Variants in CACNG4 observed in about 807,000 individuals in gnomAD.
CACNG4 encodes voltage-dependent calcium channel gamma-4 subunit.
Under a neutral mutation model 22.9 loss-of-function variants are expected in CACNG4, and 8 were observed. The ratio of observed to expected loss-of-function variants is 0.35; its 90% CI spans 0.21 to 0.63. The LOEUF is 0.63. Among genes scored for constraint, CACNG4 ranks in the 30% least tolerant of loss-of-function variants. CACNG4 has a pLI of 0.72. For missense variants in CACNG4, 357 were observed against 455.4 expected (o/e 0.78, Z 1.97); for synonymous variants, 188 against 191.9 (o/e 0.98, Z 0.17).
chr17:66,966,478 G>A (rs2035172002), intron 1 of CACNG4, among the ~76,000 whole-genome samples: 1 of 152,082 alleles, frequency 6.6e-6, no homozygotes, highest in Admixed American at 6.5e-5. Context: ...GAGTTCAGCC[G>A]CGGTTGTTTC....
At chr17:66,998,630 G>A (rs2035389143) in intron 1 of CACNG4, among the ~76,000 whole-genome samples, 1 of 152,048 alleles carries the variant, frequency 6.6e-6, no homozygotes. Context: ...ACCCTCCCAA[G>A]CCCCCAGGCA....
At position 66,965,125 on chromosome 17, in the gene CACNG4, A is replaced by G. The variant is rs1354971794; in HGVS notation, c.214A>G (p.Ile72Val). Reference protein sequence around the residue: ...THSGLWRVCCIEGIYKGHCFR... With the variant: ...THSGLWRVCCVEGIYKGHCFR... Reference sequence around the variant, plus strand: ...CTCTGGTCTGTGGCGGGTGTGCTGCATCGAAGGTACGGCCAGCCCCGACCC... The same window carrying G: ...CTCTGGTCTGTGGCGGGTGTGCTGCGTCGAAGGTACGGCCAGCCCCGACCC... The change falls in exon 1 of 4, where the codon ATC (isoleucine) becomes GTC (valine). Residue 72 changes from isoleucine to valine, a missense_variant. Ile to Val is a conservative substitution (Grantham distance 29). This residue lies in a region of CACNG4 where 114 missense variants were observed against 161.6 expected (regional missense o/e 0.71). Transcript: ENST00000262138. The G allele has an allele frequency of 6.4e-7, 1 of 1,564,750 alleles. No individual in the cohort carries two copies. Among genetic ancestry groups the G allele is most frequent in the East Asian group, 2.4e-5 (1 of 41,128 alleles).
Position 67,018,279 on chromosome 17 carries a change from G to A in CACNG4, c.304+7G>A. The stretch of plus-strand genomic sequence containing the variant: ...AGCTCGGAGTACCTCCTCCGTGAGT[G>A]TCAGGAGGCCTGGACTCTCTTTCTG... On this transcript the variant is annotated splice_region_variant and intron_variant, in intron 2 of 3. Transcript: ENST00000262138. 3 of 1,609,808 alleles carry A rather than the reference G, an allele frequency of 1.9e-6. No individual in the cohort carries two copies. The highest frequency in any genetic ancestry group is 2.6e-6 in the Non-Finnish European group (3 of 1,176,030).
At chr17:67,025,042 G>A (rs1374137380) in intron 3 of CACNG4, 42 bp downstream of exon 3, 8 of 1,529,050 alleles carry the variant, frequency 5.2e-6, no homozygotes, top group Non-Finnish European at 7.0e-6. Context: ...GGGAGCTGGG[G>A]ACACAGGAGT....
chr17:67,014,943 C>CAAAA (rs1163062678), intron 1 of CACNG4, among the ~76,000 whole-genome samples: 4 of 95,360 alleles, frequency 4.2e-5, no homozygotes, highest in Non-Finnish European at 5.3e-5. Flanking sequence ...TCTCCAAAAA[C>CAAAA]AAAAAAAAAA....
At chr17:67,023,599 G>T in intron 2 of CACNG4, among the ~76,000 whole-genome samples, 1 of 111,274 alleles carries the variant, frequency 9.0e-6, no homozygotes. Flanking sequence ...AAGACAGAAT[G>T]TCACTCTTGT....
chr17:67,017,187 C>T (rs544953048), intron 1 of CACNG4, among the ~76,000 whole-genome samples: 5 of 152,134 alleles, frequency 3.3e-5, no homozygotes, highest in Admixed American at 3.3e-4. Flanking sequence ...AGTGATCCTC[C>T]CACCTCAGCC....
chr17:66,964,862 G>C lies in CACNG4; in HGVS notation c.-50G>C, dbSNP rs1430794264. 4 of 1,184,200 alleles carry C rather than the reference G, an allele frequency of 3.4e-6. No individual in the cohort carries two copies. Among genetic ancestry groups the C allele is most frequent in the Non-Finnish European group, 4.3e-6 (4 of 940,230 alleles). 73.4% of individuals were successfully genotyped at this position (1,184,200 alleles called of 1,614,324 possible). ...GCGGCGCGCGGAGGGAGGAGGGCGG[G>C]CGGGCGCGGCGGGCCGGGCCGGCGG... On this transcript the variant is annotated 5_prime_UTR_variant, in exon 1 of 4. Transcript: ENST00000262138.
chr17:67,013,643 A>C (rs1433509347), intron 1 of CACNG4, among the ~76,000 whole-genome samples: 1 of 152,018 alleles, frequency 6.6e-6, no homozygotes, highest in Admixed American at 6.6e-5. Flanking sequence ...CATCTCTACC[A>C]AAAATACAAA....
Position 67,032,624 on chromosome 17 carries a change from G to A in CACNG4, c.*1620G>A, listed in dbSNP as rs180730420. ...CCCCCAGGAAAGGACGCATCCACCG[G>A]TAGCGGCCCCAGCTGACTGTCGCCG... On this transcript the variant is annotated 3_prime_UTR_variant, in exon 4 of 4. Transcript: ENST00000262138. 72 of 154,894 alleles carry A rather than the reference G, an allele frequency of 4.6e-4. No individual in the cohort carries two copies. Among genetic ancestry groups the A allele is most frequent in the Admixed American group, 2.5e-3 (39 of 15,852 alleles). The allele number at this position is 154,894 out of a possible 1,614,324, so 9.6% of individuals were successfully genotyped here. A position where few individuals can be genotyped will look rare whatever the true frequency, so the allele number is the denominator to read the frequency against.
At chr17:67,004,923 C>T (rs879277539) in intron 1 of CACNG4, among the ~76,000 whole-genome samples, 1 of 152,086 alleles carries the variant, frequency 6.6e-6, no homozygotes, top group African/African-American at 2.4e-5. Context: ...AAGGTCTTGC[C>T]GTGTTGTCCG....
chr17:66,989,959 G>A (rs1333534720), intron 1 of CACNG4, among the ~76,000 whole-genome samples: 2 of 152,154 alleles, frequency 1.3e-5, no homozygotes. Context: ...CAAAATGAGC[G>A]ACTTTGGGTG....
chr17:66,992,483 C>T lies in CACNG4; in HGVS notation c.221-25706C>T, dbSNP rs147661834. Among the ~76,000 whole-genome samples the T allele has an allele frequency of 2.9e-3, 435 of 152,340 alleles. 3 individuals carry two copies. The highest frequency in any genetic ancestry group is 0.01 in the African/African-American group (417 of 41,594). ...GGCCTCCCAGCAGCACAAAACAAAC[C>T]TGGCACTACCCACCAGCACACCCAC... On this transcript the variant is annotated intron_variant, in intron 1 of 3. Transcript: ENST00000262138.
intron 1 of CACNG4, among the ~76,000 whole-genome samples, chr17:67,000,298 G>A (rs991434666): frequency 1.3e-5 from 2 of 152,146 alleles, no homozygotes; most frequent in Non-Finnish European, 2.9e-5. Flanking sequence ...CCCAGGGTTT[G>A]CTCCGTCTCC....
In CACNG4 at chr17:67,004,201, C is replaced by T. The variant is rs113561731; in HGVS notation, c.221-13988C>T. Among the ~76,000 whole-genome samples the T allele has an allele frequency of 1.9e-3, 288 of 152,296 alleles. 1 individual carries two copies. The highest frequency in any genetic ancestry group is 6.6e-3 in the African/African-American group (273 of 41,556). ...AGGTTTCATCCAAGCAGCAGTTATC[C>T]AGTAGATGCAAGGAGAAAAATCACA... On this transcript the variant is annotated intron_variant, in intron 1 of 3. Coordinates refer to ENST00000262138, the MANE Select transcript of CACNG4 (RefSeq NM_014405.4).
chr17:67,004,576 G>T (rs2035426678), intron 1 of CACNG4, among the ~76,000 whole-genome samples: 1 of 152,156 alleles, frequency 6.6e-6, no homozygotes, highest in Admixed American at 6.5e-5. Flanking sequence ...TTGCAGACCT[G>T]CGCTGAGACA....
intron 1 of CACNG4, among the ~76,000 whole-genome samples, chr17:67,011,687 G>A (rs150576391): frequency 1.5e-3 from 233 of 152,326 alleles, no homozygotes; most frequent in African/African-American, 5.5e-3. Flanking sequence ...ATACTGTCGA[G>A]CAATGAATGA....
At position 67,006,946 on chromosome 17, in the gene CACNG4, G is replaced by A. The variant is rs994610857; in HGVS notation, c.221-11243G>A. Among the ~76,000 whole-genome samples, 8 of 152,060 alleles carry A rather than the reference G, an allele frequency of 5.3e-5. No individual in the cohort carries two copies. The South Asian group carries it at 6.2e-4, about 12-fold the overall frequency. ...TTCCAGGACTTTGGGAGGTCAAGGC[G>A]GGTGGATCACTTGAGGTCAGGAGTT... On this transcript the variant is annotated intron_variant, in intron 1 of 3. Coordinates refer to ENST00000262138, the MANE Select transcript of CACNG4 (RefSeq NM_014405.4).
intron 1 of CACNG4, among the ~76,000 whole-genome samples, chr17:66,982,972 C>A (rs1483159933): frequency 1.3e-5 from 2 of 152,180 alleles, no homozygotes; most frequent in African/African-American, 4.8e-5. Flanking sequence ...AGCACTACTT[C>A]CATGGTGTAG....
Sources: allele counts gnomAD v4.1 joint callset (sites outside exome capture counted in the v4.1 genomes callset), GRCh38; gene constraint gnomAD v4.1.1; regional missense constraint gnomAD v4.1.1; transcripts MANE v1.5; gene names NCBI Gene and HGNC (gene_info 2026-07-23, HGNC 2026-07-21).